The following CHSY3 variants were observed in gnomAD, a reference collection of about 807,000 sequenced individuals.
CHSY3 encodes chondroitin sulfate synthase 3, also known as N-acetylgalactosaminyl-proteoglycan 3-beta-glucuronosyltransferase 3.
CHSY3 carries 35 observed loss-of-function variants against 67.2 expected under a neutral mutation model. The observed-to-expected ratio is 0.52, with a 90% CI of 0.40 to 0.69. CHSY3 has a LOEUF of 0.69. CHSY3 is among the 30% of genes least tolerant of loss of function. CHSY3 has a pLI of 0.00. For missense variants in CHSY3, 1,069 were observed against 1,138.5 expected, an observed-to-expected ratio of 0.94 and a Z score of 0.88; for synonymous variants, 474 against 434.7, an observed-to-expected ratio of 1.09 and a Z score of -1.12.
chr5:130,083,812 G>A (rs1283744947), intron 2 of CHSY3, among the ~76,000 whole-genome samples: 1 of 151,500 alleles, frequency 6.6e-6, no homozygotes. Flanking sequence ...TTTTTTTTCT[G>A]TATGGAAATA....
At chr5:129,995,119 A>G (rs1309991450) in intron 2 of CHSY3, among the ~76,000 whole-genome samples, 1 of 152,120 alleles carries the variant, frequency 6.6e-6, no homozygotes, top group Non-Finnish European at 1.5e-5. Flanking sequence ...TTTATATTAA[A>G]GTTTTATCCA....
chr5:130,139,721 A>T (rs1476953286), intron 2 of CHSY3, among the ~76,000 whole-genome samples: 2 of 152,170 alleles, frequency 1.3e-5, no homozygotes, highest in East Asian at 3.8e-4. Flanking sequence ...ATAGGTATTG[A>T]TTATTGTGGA....
chr5:129,908,493 G>A, intron 2 of CHSY3, 133 bp downstream of exon 2: 1 of 1,346,628 alleles, frequency 7.4e-7, no homozygotes, highest in South Asian at 1.5e-5. Context: ...GCCCTTAAGG[G>A]ATACAAGAGT....
At chr5:130,110,488 G>T (rs1255373679) in intron 2 of CHSY3, among the ~76,000 whole-genome samples, 1 of 151,922 alleles carries the variant, frequency 6.6e-6, no homozygotes, top group Non-Finnish European at 1.5e-5. Context: ...TCTCAAAGGA[G>T]AGCACAGATA....
At chr5:130,068,573 G>A (rs1009881532) in intron 2 of CHSY3, among the ~76,000 whole-genome samples, 1 of 152,136 alleles carries the variant, frequency 6.6e-6, no homozygotes, top group African/African-American at 2.4e-5. Context: ...TGTATTGGGA[G>A]GGTTGCCACA....
At chr5:130,000,760 T>G (rs1364303859) in intron 2 of CHSY3, among the ~76,000 whole-genome samples, 1 of 122,628 alleles carries the variant, frequency 8.2e-6, no homozygotes, top group Non-Finnish European at 1.7e-5. Context: ...TTTTTTTTTG[T>G]AGAGATGAAA....
chr5:129,914,929 A>C (rs978468477), intron 2 of CHSY3, among the ~76,000 whole-genome samples: 1 of 152,174 alleles, frequency 6.6e-6, no homozygotes, highest in Non-Finnish European at 1.5e-5. Context: ...TAATTTAAAA[A>C]CTTTGAATAT....
chr5:130,180,783 A>G (rs921379157), intron 2 of CHSY3, among the ~76,000 whole-genome samples: 10 of 152,314 alleles, frequency 6.6e-5, no homozygotes, highest in South Asian at 2.1e-4. Context: ...TGAGCCCAGG[A>G]GCACTGCAGT....
intron 2 of CHSY3, among the ~76,000 whole-genome samples, chr5:130,011,823 C>A (rs1039599207): frequency 6.6e-6 from 1 of 152,124 alleles, no homozygotes; most frequent in Non-Finnish European, 1.5e-5. Flanking sequence ...AAATAACATT[C>A]AAGCTGAGAG....
At chr5:130,036,485 T>C (rs770835685) in intron 2 of CHSY3, among the ~76,000 whole-genome samples, 26 of 152,140 alleles carry the variant, frequency 1.7e-4, no homozygotes, top group Non-Finnish European at 2.1e-4. Flanking sequence ...CTCTCCCTTT[T>C]AAACATAAAA....
chr5:130,003,198 C>G (rs1456061240), intron 2 of CHSY3, among the ~76,000 whole-genome samples: 1 of 152,134 alleles, frequency 6.6e-6, no homozygotes, highest in African/African-American at 2.4e-5. Context: ...TCCATGATAC[C>G]ATAATGTGGT....
At chr5:129,989,956 C>T (rs1428672742) in intron 2 of CHSY3, among the ~76,000 whole-genome samples, 1 of 152,098 alleles carries the variant, frequency 6.6e-6, no homozygotes, top group Non-Finnish European at 1.5e-5. Context: ...TAATATGGCT[C>T]TGTTCCAGTA....
intron 2 of CHSY3, among the ~76,000 whole-genome samples, chr5:129,955,825 A>T (rs1762154787): frequency 6.6e-6 from 1 of 152,188 alleles, no homozygotes; most frequent in Admixed American, 6.6e-5. Context: ...TTTGCTAAGG[A>T]TGATGGCTTC....
chr5:129,995,904 G>A (rs1384627469), intron 2 of CHSY3, among the ~76,000 whole-genome samples: 2 of 151,092 alleles, frequency 1.3e-5, no homozygotes, highest in Admixed American at 1.3e-4. Flanking sequence ...ATCTTTATCT[G>A]TCTCTACCAT....
intron 2 of CHSY3, among the ~76,000 whole-genome samples, chr5:130,098,458 G>T (rs1403624686): frequency 6.6e-6 from 1 of 152,108 alleles, no homozygotes; most frequent in African/African-American, 2.4e-5. Context: ...AAATCACCAA[G>T]GATTAAATTC....
chr5:129,968,419 A>G (rs1259374104), intron 2 of CHSY3, among the ~76,000 whole-genome samples: 1 of 151,896 alleles, frequency 6.6e-6, no homozygotes, highest in African/African-American at 2.4e-5. Flanking sequence ...ATTTTTATTA[A>G]TGCAATTCAG....
At chr5:129,948,710 G>A (rs1277174406) in intron 2 of CHSY3, among the ~76,000 whole-genome samples, 4 of 152,174 alleles carry the variant, frequency 2.6e-5, no homozygotes, top group Non-Finnish European at 5.9e-5. Context: ...CCAGTAGTGG[G>A]ATTGCTGGAT....
chr5:129,932,652 T>TGTA, intron 2 of CHSY3, among the ~76,000 whole-genome samples: 1 of 152,298 alleles, frequency 6.6e-6, no homozygotes, highest in South Asian at 2.1e-4. Flanking sequence ...TATTAGTTTA[T>TGTA]GTATATTAAA....
intron 2 of CHSY3, among the ~76,000 whole-genome samples, chr5:129,924,722 T>C (rs1343542878): frequency 1.3e-5 from 2 of 152,128 alleles, no homozygotes; most frequent in Non-Finnish European, 1.5e-5. Flanking sequence ...TTATTCTTTT[T>C]TTTTACTTTA....
Sources: gnomAD v4.1 joint callset for allele counts (sites outside exome capture counted in the v4.1 genomes callset) on GRCh38, gnomAD v4.1.1 for gene constraint, MANE v1.5 for transcripts, NCBI Gene and HGNC (gene_info 2026-07-23, HGNC 2026-07-21) for gene names.